The following NEGR1 variants were observed in gnomAD, a reference collection of about 807,000 sequenced individuals.
NEGR1 encodes neuronal growth regulator 1.
Under a neutral mutation model 40.9 loss-of-function variants are expected in NEGR1, and 10 were observed. That is an observed-to-expected ratio of 0.24 (90% CI 0.15 to 0.42). The LOEUF is 0.42. NEGR1 is among the 10% of genes least tolerant of loss of function. The pLI, the probability that NEGR1 is intolerant of heterozygous loss-of-function variation, is 1.00. For synonymous variants in NEGR1, 185 were observed against 166.8 expected, an observed-to-expected ratio of 1.11 and a Z score of -0.84; for missense variants, 352 against 438.9, an observed-to-expected ratio of 0.80 and a Z score of 1.77.
At chr1:71,577,809 T>C (rs534938764) in intron 6 of NEGR1, among the ~76,000 whole-genome samples, 1 of 152,152 alleles carries the variant, frequency 6.6e-6, no homozygotes, top group Non-Finnish European at 1.5e-5. Context: ...CTATCTCACG[T>C]TGAATTCAAC....
At chr1:72,043,228 C>A (rs1020857547) in intron 1 of NEGR1, among the ~76,000 whole-genome samples, 1 of 151,826 alleles carries the variant, frequency 6.6e-6, no homozygotes, top group Non-Finnish European at 1.5e-5. Context: ...CTTCTTCTCA[C>A]GGAATTAGTA....
At chr1:72,261,971 T>C (rs1655473251) in intron 1 of NEGR1, among the ~76,000 whole-genome samples, 1 of 151,992 alleles carries the variant, frequency 6.6e-6, no homozygotes. Flanking sequence ...TTACACAGTA[T>C]CTCTATGTAA....
chr1:71,442,645 T>G (rs1421410994), intron 6 of NEGR1, among the ~76,000 whole-genome samples: 1 of 152,060 alleles, frequency 6.6e-6, no homozygotes, highest in Non-Finnish European at 1.5e-5. Context: ...ATTAATGAAT[T>G]AATTAATAAA....
At chr1:71,513,304 TGA>T (rs1557551421) in intron 6 of NEGR1, among the ~76,000 whole-genome samples, 1 of 152,118 alleles carries the variant, frequency 6.6e-6, no homozygotes, top group Non-Finnish European at 1.5e-5. Context: ...CTCAAAAAAG[TGA>T]GTTATGAGGA....
intron 1 of NEGR1, among the ~76,000 whole-genome samples, chr1:71,995,992 C>T (rs1010916229): frequency 2.0e-5 from 3 of 151,950 alleles, no homozygotes; most frequent in Non-Finnish European, 2.9e-5. Context: ...TATCTATTTA[C>T]GTACAATTGT....
chr1:71,452,547 C>A (rs1646636304), intron 6 of NEGR1, among the ~76,000 whole-genome samples: 1 of 152,052 alleles, frequency 6.6e-6, no homozygotes, highest in African/African-American at 2.4e-5. Context: ...CTTGAGTAAT[C>A]ATTAAATCCA....
chr1:71,460,628 T>C (rs1323583886), intron 6 of NEGR1, among the ~76,000 whole-genome samples: 1 of 152,196 alleles, frequency 6.6e-6, no homozygotes, highest in African/African-American at 2.4e-5. Context: ...TCAATAAGTA[T>C]TAGATATTTT....
chr1:71,978,967 A>G (rs1422594054), intron 1 of NEGR1, among the ~76,000 whole-genome samples: 2 of 152,220 alleles, frequency 1.3e-5, no homozygotes, highest in Non-Finnish European at 2.9e-5. Flanking sequence ...ATGTCCATCA[A>G]TGCTAGACTG....
intron 6 of NEGR1, among the ~76,000 whole-genome samples, chr1:71,429,343 CAAAAA>C (rs1426521964): frequency 1.3e-5 from 2 of 151,918 alleles, no homozygotes; most frequent in African/African-American, 4.8e-5. Flanking sequence ...AAAATTAAAA[CAAAAA>C]AAGTCCGAAA....
intron 6 of NEGR1, among the ~76,000 whole-genome samples, chr1:71,413,244 G>A (rs372190801): frequency 4.1e-4 from 62 of 152,238 alleles, no homozygotes; most frequent in African/African-American, 1.3e-3. Context: ...ACTCCCTCAA[G>A]GATGATCTAA....
chr1:71,490,702 T>C (rs545057215), intron 6 of NEGR1, among the ~76,000 whole-genome samples: 1 of 152,054 alleles, frequency 6.6e-6, no homozygotes, highest in South Asian at 2.1e-4. Flanking sequence ...TCTTCACTGA[T>C]GAAACGAAAC....
chr1:72,253,708 G>A (rs925869413), intron 1 of NEGR1, among the ~76,000 whole-genome samples: 12 of 152,004 alleles, frequency 7.9e-5, no homozygotes, highest in Non-Finnish European at 2.9e-5. Context: ...ATAAAGTATA[G>A]GAAAAACTAA....
chr1:72,193,380 T>A (rs1248169574), intron 1 of NEGR1, among the ~76,000 whole-genome samples: 1 of 151,770 alleles, frequency 6.6e-6, no homozygotes, highest in African/African-American at 2.4e-5. Context: ...ATCAGGAATA[T>A]CTCTTTAATA....
intron 1 of NEGR1, among the ~76,000 whole-genome samples, chr1:71,938,616 G>A (rs1051451090): frequency 3.3e-5 from 5 of 151,944 alleles, no homozygotes; most frequent in African/African-American, 9.7e-5. Flanking sequence ...TGGAGGGTGA[G>A]AGCCAAGTAG....
At chr1:71,444,028 C>T (rs996650781) in intron 6 of NEGR1, among the ~76,000 whole-genome samples, 3 of 152,156 alleles carry the variant, frequency 2.0e-5, no homozygotes, top group Admixed American at 2.0e-4. Flanking sequence ...ATCATTTATG[C>T]ATTTGATTCT....
At chr1:72,106,701 A>T (rs1225712596) in intron 1 of NEGR1, among the ~76,000 whole-genome samples, 1 of 152,018 alleles carries the variant, frequency 6.6e-6, no homozygotes, top group African/African-American at 2.4e-5. Flanking sequence ...AAGTCCATCA[A>T]ACATTTCAAC....
At chr1:72,181,484 T>A (rs1375914716) in intron 1 of NEGR1, among the ~76,000 whole-genome samples, 1 of 152,068 alleles carries the variant, frequency 6.6e-6, no homozygotes, top group Admixed American at 6.6e-5. Flanking sequence ...GTATAGCCAT[T>A]ATGAAAAACA....
At chr1:71,654,271 T>C (rs1167822536) in intron 4 of NEGR1, among the ~76,000 whole-genome samples, 1 of 152,162 alleles carries the variant, frequency 6.6e-6, no homozygotes, top group African/African-American at 2.4e-5. Flanking sequence ...ACTGTAATGA[T>C]ATATGACATT....
intron 2 of NEGR1, among the ~76,000 whole-genome samples, chr1:71,859,798 A>T (rs1427887332): frequency 6.6e-6 from 1 of 152,076 alleles, no homozygotes; most frequent in Admixed American, 6.6e-5. Flanking sequence ...CCATACCTGG[A>T]ACACAGATGA....
Sources: allele counts gnomAD v4.1 joint callset (sites outside exome capture counted in the v4.1 genomes callset), GRCh38; gene constraint gnomAD v4.1.1; transcripts MANE v1.5; gene names NCBI Gene and HGNC (gene_info 2026-07-23, HGNC 2026-07-21).